SEC24B: variants seen among roughly 807,000 people sequenced by gnomAD.
The protein encoded by SEC24B is protein transport protein Sec24B.
Under a neutral mutation model 142.8 loss-of-function variants are expected in SEC24B, and 45 were observed. That is an observed-to-expected ratio of 0.32 (90% CI 0.25 to 0.40). SEC24B has a LOEUF of 0.40. Ranked by LOEUF, SEC24B falls within the 10% of genes least tolerant of loss-of-function variation. The probability of loss-of-function intolerance (pLI) is 1.00; values close to 1 mark genes in which losing one functional copy is unlikely to be tolerated. For synonymous variants in SEC24B, 574 were observed against 568.2 expected (o/e 1.01, Z -0.15); for missense variants, 1,409 against 1,526.8 (o/e 0.92, Z 1.29).
At chr4:109,504,047 A>G (rs1736443571) in intron 6 of SEC24B, among the ~76,000 whole-genome samples, 1 of 152,120 alleles carries the variant, frequency 6.6e-6, no homozygotes, top group Non-Finnish European at 1.5e-5. Context: ...AAAAAAGAGA[A>G]TCCTTTTTAT....
chr4:109,482,935 A>AATATATATATATATATAT (rs1561116278), intron 4 of SEC24B, among the ~76,000 whole-genome samples: 1 of 37,536 alleles, frequency 2.7e-5, no homozygotes, highest in African/African-American at 9.6e-5. Context: ...CCAGGCTTGT[A>AATATATATATATATATAT]CTATATATAT....
At chr4:109,524,701 C>A in intron 14 of SEC24B, 117 bp from the exon 15 acceptor site, 2 of 827,906 alleles carry the variant, frequency 2.4e-6, no homozygotes, top group Non-Finnish European at 3.6e-6. Context: ...AATGCCTAGA[C>A]ATTTAGAAAA....
chr4:109,511,411 CA>C (rs1737319387), intron 8 of SEC24B, among the ~76,000 whole-genome samples: 2 of 151,708 alleles, frequency 1.3e-5, no homozygotes. Context: ...AAAATGATAG[CA>C]GGTTAATTCA....
rs537606487 is a variant in SEC24B, at chr4:109,506,579, TA to T, written c.1673+71del. The T allele has an allele frequency of 2.7e-4, 298 of 1,088,122 alleles. 7 individuals carry two copies. In the Admixed American group the frequency reaches 8.2e-3, roughly 30 times the overall value. The allele number at this position is 1,088,122 out of a possible 1,614,324, so 67.4% of individuals were successfully genotyped here. On this transcript the variant is annotated intron_variant, in intron 7 of 23. Coordinates refer to ENST00000265175, the MANE Select transcript of SEC24B (RefSeq NM_006323.5). ...AACATTGTATGACTTTCAAAAATAG[TA>T]AAAGTAGTATGTTATTTCTTCGGTT... is the stretch of plus-strand genomic sequence containing the variant.
chr4:109,521,116 G>C lies in SEC24B; in HGVS notation c.2246-1G>C. On this transcript the variant is annotated splice_acceptor_variant, in intron 12 of 23. Coordinates refer to ENST00000265175, the MANE Select transcript of SEC24B (RefSeq NM_006323.5). LOFTEE classifies it high-confidence loss of function. ...GATTAAAATATGTGTTTTCCCTATAGATGTTTTTCTACCTACACCGGATAG... is the reference window on the plus strand; with the variant it reads ...GATTAAAATATGTGTTTTCCCTATACATGTTTTTCTACCTACACCGGATAG... The C allele has an allele frequency of 6.7e-7, 1 of 1,490,686 alleles. No homozygotes were observed. The highest frequency in any genetic ancestry group is 9.3e-7 in the Non-Finnish European group (1 of 1,073,532). 92.3% of individuals were successfully genotyped at this position (1,490,686 alleles called of 1,614,324 possible).
At chr4:109,478,178 C>T (rs1264028725) in intron 3 of SEC24B, among the ~76,000 whole-genome samples, 1 of 151,730 alleles carries the variant, frequency 6.6e-6, no homozygotes, top group Non-Finnish European at 1.5e-5. Context: ...CCCAGCTACT[C>T]AGGAGGCTGA....
chr4:109,532,959 A>G (rs975176095), intron 21 of SEC24B, among the ~76,000 whole-genome samples: 2 of 152,238 alleles, frequency 1.3e-5, no homozygotes, highest in Admixed American at 1.3e-4. Flanking sequence ...TATTGATAAT[A>G]CTGATAGAGT....
chr4:109,529,660 T>A (rs1382880135), intron 18 of SEC24B, among the ~76,000 whole-genome samples: 2 of 152,208 alleles, frequency 1.3e-5, no homozygotes, highest in Non-Finnish European at 2.9e-5. Flanking sequence ...ACTTGGTGTT[T>A]GAGTAATGGA....
At chr4:109,439,774 T>A (rs1431245406) in intron 1 of SEC24B, among the ~76,000 whole-genome samples, 1 of 151,064 alleles carries the variant, frequency 6.6e-6, no homozygotes, top group East Asian at 2.0e-4. Flanking sequence ...GTGCTGGGAT[T>A]ACAGGCGTGA....
chr4:109,516,727 A>G, intron 11 of SEC24B, 87 bp downstream of exon 11: 1 of 717,786 alleles, frequency 1.4e-6, no homozygotes, highest in Non-Finnish European at 2.2e-6. Flanking sequence ...AGTTTGTGGG[A>G]TTGGGTTTGG....
chr4:109,486,468 T>A (rs955795966), intron 4 of SEC24B, among the ~76,000 whole-genome samples: 3 of 152,228 alleles, frequency 2.0e-5, no homozygotes, highest in African/African-American at 7.2e-5. Context: ...CTTCAAGGAT[T>A]CTGAGCTATT....
At position 109,532,549 on chromosome 4, in the gene SEC24B, C is replaced by T; in HGVS notation, c.3391-90C>T. ...TGCAAAACTCCCAAGTGTTATTTTC[C>T]AATGCTTCATAAAGGGTTAGTGACC... is the stretch of plus-strand genomic sequence containing the variant. On this transcript the variant is annotated intron_variant, in intron 20 of 23. Coordinates refer to ENST00000265175, the MANE Select transcript of SEC24B (RefSeq NM_006323.5). 7 of 886,050 alleles carry T rather than the reference C, an allele frequency of 7.9e-6. No individual in the cohort carries two copies. The South Asian group carries it at 8.0e-5, about 10-fold the overall frequency. The allele number at this position is 886,050 out of a possible 1,614,324, so 54.9% of individuals were successfully genotyped here. A position where few individuals can be genotyped will look rare whatever the true frequency, so the allele number is the denominator to read the frequency against.
At chr4:109,434,179 G>C (rs1728151153) in intron 1 of SEC24B, among the ~76,000 whole-genome samples, 177 bp downstream of exon 1, 1 of 150,840 alleles carries the variant, frequency 6.6e-6, no homozygotes, top group African/African-American at 2.4e-5. Flanking sequence ...CGGGTAGGGG[G>C]CAGGGAAGGC....
Position 109,463,088 on chromosome 4 carries a change from G to C in SEC24B, c.321G>C (p.Val107=), listed in dbSNP as rs1731464128. Residue 107 remains valine (V), a synonymous_variant, in exon 2 of 24, where the codon GTG becomes GTC. Transcript: ENST00000265175. ...VPTQNVTPNT[V]NQQPGAQQLY... is the part of the protein sequence containing the mutation. ...CACAAAATGTGACTCCTAACACAGT[G>C]AACCAGCAACCAGGAGCACAGCAGT... 6.2e-7 allele frequency: 1 copy of C among 1,614,158 alleles called. No individual in the cohort carries two copies. Among genetic ancestry groups the C allele is most frequent in the African/African-American group, 1.3e-5 (1 of 75,024 alleles).
At chr4:109,434,127 G>A in intron 1 of SEC24B, 125 bp downstream of exon 1, 1 of 645,610 alleles carries the variant, frequency 1.5e-6, no homozygotes, top group Non-Finnish European at 1.9e-6. Flanking sequence ...CCGAGGGACG[G>A]GAGCGGGCGC....
rs758903489 is a variant in SEC24B, at chr4:109,539,546, TTTTC to T, written c.3693-8_3693-5del. 6 of 1,553,190 alleles carry T rather than the reference TTTTC, an allele frequency of 3.9e-6. No individual in the cohort carries two copies. The highest frequency in any genetic ancestry group is 3.6e-6 in the Non-Finnish European group (4 of 1,125,000). ...TTTAAATACGTTTAGACAAATGCCC[TTTTC>T]TTTCTTCCAGAGATGAGAGTCCTGC... On this transcript the variant is annotated splice_polypyrimidine_tract_variant and intron_variant, in intron 23 of 23. Coordinates refer to ENST00000265175, the MANE Select transcript of SEC24B (RefSeq NM_006323.5).
intron 3 of SEC24B, among the ~76,000 whole-genome samples, chr4:109,478,485 G>C (rs1733404534): frequency 6.6e-6 from 1 of 152,060 alleles, no homozygotes; most frequent in Non-Finnish European, 1.5e-5. Flanking sequence ...ACCATTCTAA[G>C]CATTTGAAAT....
At chr4:109,530,078 A>G (rs1724729396) in intron 18 of SEC24B, among the ~76,000 whole-genome samples, 1 of 152,208 alleles carries the variant, frequency 6.6e-6, no homozygotes, top group South Asian at 2.1e-4. Flanking sequence ...AAAAATGTCC[A>G]AAAGAATCTA....
intron 3 of SEC24B, among the ~76,000 whole-genome samples, chr4:109,475,218 T>C (rs1454905829): frequency 1.3e-5 from 2 of 152,224 alleles, no homozygotes; most frequent in South Asian, 2.1e-4. Flanking sequence ...TGTTCCTTTT[T>C]CATAAGTAGG....
Sources: gnomAD v4.1 joint callset for allele counts (sites outside exome capture counted in the v4.1 genomes callset) on GRCh38, gnomAD v4.1.1 for gene constraint, MANE v1.5 for transcripts, NCBI Gene and HGNC (gene_info 2026-07-23, HGNC 2026-07-21) for gene names.